GNAI1: variants seen among roughly 807,000 people sequenced by gnomAD.
GNAI1 encodes the protein guanine nucleotide-binding protein G(i) subunit alpha-1.
Under a neutral mutation model 38.9 loss-of-function variants are expected in GNAI1, and 11 were observed. The ratio of observed to expected loss-of-function variants is 0.28; its 90% CI spans 0.18 to 0.47. The LOEUF (loss-of-function observed/expected upper bound fraction) is 0.47. Ranked by LOEUF, GNAI1 falls within the 20% of genes least tolerant of loss-of-function variation. The probability of loss-of-function intolerance (pLI) is 0.99; values close to 1 mark genes in which losing one functional copy is unlikely to be tolerated. For missense variants in GNAI1, 317 were observed against 436.9 expected, an observed-to-expected ratio of 0.73 and a Z score of 2.45; for synonymous variants, 166 against 145.1, an observed-to-expected ratio of 1.14 and a Z score of -1.04.
intron 1 of GNAI1, among the ~76,000 whole-genome samples, chr7:80,166,508 A>G (rs981345061): frequency 1.1e-4 from 17 of 152,334 alleles, no homozygotes; most frequent in Admixed American, 9.1e-4. Flanking sequence ...GCTTGAATAT[A>G]AATGTGTTTA....
At chr7:80,138,625 C>T (rs1438906683) in intron 1 of GNAI1, among the ~76,000 whole-genome samples, 1 of 152,106 alleles carries the variant, frequency 6.6e-6, no homozygotes, top group Non-Finnish European at 1.5e-5. Flanking sequence ...CGGTAGGTAA[C>T]TATAGTATAC....
At chr7:80,178,895 T>C (rs942446749) in intron 1 of GNAI1, among the ~76,000 whole-genome samples, 2 of 152,216 alleles carry the variant, frequency 1.3e-5, no homozygotes, top group Non-Finnish European at 2.9e-5. Flanking sequence ...CAAATTACGA[T>C]GTAGAATAAG....
chr7:80,153,926 A>T lies in GNAI1; in HGVS notation c.118+18648A>T, dbSNP rs893909786. On this transcript the variant is annotated intron_variant, in intron 1 of 7. Coordinates refer to ENST00000649796, the MANE Select transcript of GNAI1 (RefSeq NM_002069.6). ...AACTGATTATTTTTTAAATTAATTAATTATTTATTTATTTTTGAGACAGCC... is the reference window on the plus strand; with the variant it reads ...AACTGATTATTTTTTAAATTAATTATTTATTTATTTATTTTTGAGACAGCC... 3.1e-4 allele frequency among the ~76,000 whole-genome samples: 47 copies of T among 152,074 alleles called. 1 individual carries two copies. Among genetic ancestry groups the T allele is most frequent in the Admixed American group, 1.3e-4 (2 of 15,252 alleles).
rs1788563787 is a variant in GNAI1 at position 80,196,024 on chromosome 7, T to TTTCA, written c.304-3199_304-3196dup. 2.0e-5 allele frequency among the ~76,000 whole-genome samples: 3 copies of TTTCA among 152,072 alleles called. No individual in the cohort carries two copies. In the South Asian group the frequency reaches 6.2e-4, roughly 31 times the overall value. On this transcript the variant is annotated intron_variant, in intron 3 of 7. Coordinates refer to ENST00000649796, the MANE Select transcript of GNAI1 (RefSeq NM_002069.6). ...CCATCCTAGGCAGACTCTTCTGAATTTTCATCAAGTGGGTGACAGCTTTAA... is the reference window on the plus strand; with the variant it reads ...CCATCCTAGGCAGACTCTTCTGAATTTTCATTCATCAAGTGGGTGACAGCTTTAA...
chr7:80,152,558 C>CTTTTTTTTTTTTTTTTTTTTTTTTTTT, intron 1 of GNAI1, among the ~76,000 whole-genome samples: 1 of 103,006 alleles, frequency 9.7e-6, no homozygotes, highest in Non-Finnish European at 2.0e-5. Flanking sequence ...GGTCTCAATT[C>CTTTTTTTTTTTTTTTTTTTTTTTTTTT]TTTTTTTTTT....
Position 80,200,658 on chromosome 7 carries a change from A to G in GNAI1, c.461+1276A>G, listed in dbSNP as rs76395562. Among the ~76,000 whole-genome samples, 351 of 152,300 alleles carry G rather than the reference A, an allele frequency of 2.3e-3. 12 individuals are homozygous for G. Among genetic ancestry groups the G allele is most frequent in the Admixed American group, 0.021 (326 of 15,294 alleles). On this transcript the variant is annotated intron_variant, in intron 4 of 7. Coordinates refer to ENST00000649796, the MANE Select transcript of GNAI1 (RefSeq NM_002069.6). ...CGAATTATTTGTTCAGCATCAGACT[A>G]GGTACTATATGTTGTGTGATTTAGT...
chr7:80,215,767 T>G (rs907423662), intron 7 of GNAI1, among the ~76,000 whole-genome samples: 7 of 151,986 alleles, frequency 4.6e-5, no homozygotes, highest in Non-Finnish European at 1.0e-4. Context: ...GGAAAAAGTT[T>G]TTAAGTGATA....
intron 4 of GNAI1, 119 bp from the exon 5 acceptor site, chr7:80,203,584 TA>T: frequency 1.6e-6 from 1 of 631,448 alleles, no homozygotes; most frequent in Non-Finnish European, 2.8e-6. Flanking sequence ...CACACAAATT[TA>T]AAAACTTTTA....
At chr7:80,170,998 T>G (rs1194211826) in intron 1 of GNAI1, among the ~76,000 whole-genome samples, 1 of 152,138 alleles carries the variant, frequency 6.6e-6, no homozygotes, top group Admixed American at 6.6e-5. Context: ...TAAAGACAGT[T>G]TGGAAAAGAA....
At chr7:80,189,774 T>G (rs1788448599) in intron 3 of GNAI1, among the ~76,000 whole-genome samples, 1 of 152,124 alleles carries the variant, frequency 6.6e-6, no homozygotes, top group African/African-American at 2.4e-5. Flanking sequence ...TTTCAATTCT[T>G]TATTTTGCCA....
At chr7:80,201,612 T>C (rs754399916) in intron 4 of GNAI1, among the ~76,000 whole-genome samples, 57 of 152,064 alleles carry the variant, frequency 3.7e-4, no homozygotes, top group Admixed American at 1.2e-3. Context: ...TAGTCCTAGC[T>C]ACTTGAGAGG....
chr7:80,180,409 T>C (rs974856537), intron 1 of GNAI1, among the ~76,000 whole-genome samples: 3 of 152,028 alleles, frequency 2.0e-5, no homozygotes, highest in Admixed American at 2.0e-4. Flanking sequence ...CCACAATAAA[T>C]TGCACTTGCG....
chr7:80,203,054 TAATCTC>T, intron 4 of GNAI1, among the ~76,000 whole-genome samples: 1 of 152,348 alleles, frequency 6.6e-6, no homozygotes, highest in Non-Finnish European at 1.5e-5. Context: ...CAAGATAACT[TAATCTC>T]TTACATTGCA....
chr7:80,159,683 G>C (rs1353554420), intron 1 of GNAI1, among the ~76,000 whole-genome samples: 1 of 152,142 alleles, frequency 6.6e-6, no homozygotes, highest in Non-Finnish European at 1.5e-5. Flanking sequence ...GGATGGTGGA[G>C]AATCTTTAGT....
chr7:80,203,817 A>C lies in GNAI1; in HGVS notation c.575A>C (p.Lys192Thr). The change falls in exon 5 of 8, where the codon AAA (lysine) becomes ACA (threonine). Residue 192 changes from lysine to threonine, a missense_variant. By Grantham distance (78) the Lys-to-Thr change is moderately conservative (BLOSUM62 -1). Around this residue, in one of 5 missense-constraint regions of GNAI1, gnomAD observed 158 missense variants for 234.7 expected, o/e 0.67. Transcript: ENST00000649796. Reference protein sequence around the residue: ...TGIVETHFTFKDLHFKMFDVG... With the variant: ...TGIVETHFTFTDLHFKMFDVG... ...ATTGTTGAAACCCATTTTACTTTCA[A>C]AGATCTTCATTTTAAGTGAGTAGCT... 1 of 1,554,162 alleles carries C rather than the reference A, an allele frequency of 6.4e-7. No individual in the cohort carries two copies. Among genetic ancestry groups the C allele is most frequent in the Non-Finnish European group, 8.8e-7 (1 of 1,131,670 alleles).
intron 1 of GNAI1, among the ~76,000 whole-genome samples, chr7:80,173,071 G>A (rs536916413): frequency 1.3e-5 from 2 of 152,250 alleles, no homozygotes; most frequent in East Asian, 1.9e-4. Flanking sequence ...CTATGAGGAT[G>A]TGAATGGAAC....
intron 1 of GNAI1, among the ~76,000 whole-genome samples, chr7:80,158,908 ATT>A (rs1787866298): frequency 6.6e-6 from 1 of 151,980 alleles, no homozygotes; most frequent in Non-Finnish European, 1.5e-5. Flanking sequence ...AACTCTTATC[ATT>A]TTCCTCTTTT....
intron 1 of GNAI1, among the ~76,000 whole-genome samples, chr7:80,185,513 A>G (rs970166509): frequency 6.6e-6 from 1 of 152,168 alleles, no homozygotes; most frequent in Non-Finnish European, 1.5e-5. Context: ...TTTACCCTGC[A>G]TTCGTTGACC....
chr7:80,138,589 A>T (rs1787468204), intron 1 of GNAI1, among the ~76,000 whole-genome samples: 1 of 152,218 alleles, frequency 6.6e-6, no homozygotes. Flanking sequence ...TTTTAAGGGC[A>T]GTAAGATTAA....
Sources: gnomAD v4.1 joint callset for allele counts (sites outside exome capture counted in the v4.1 genomes callset) on GRCh38, gnomAD v4.1.1 for gene constraint, gnomAD v4.1.1 regional missense constraint, MANE v1.5 for transcripts, NCBI Gene and HGNC (gene_info 2026-07-23, HGNC 2026-07-21) for gene names.